SAMD11: variants seen among roughly 807,000 people sequenced by gnomAD.
The protein encoded by SAMD11 is sterile alpha motif domain containing 11.
Under a neutral mutation model 64.4 loss-of-function variants are expected in SAMD11, and 77 were observed. That is an observed-to-expected ratio of 1.20 (90% CI 0.99 to 1.44). The LOEUF (loss-of-function observed/expected upper bound fraction) is 1.44, where lower values mean the gene tolerates loss of function less well. Among genes scored for constraint, SAMD11 ranks in the 40% most tolerant of loss-of-function variants. The pLI, the probability that SAMD11 is intolerant of heterozygous loss-of-function variation, is 0.00. For missense variants in SAMD11, 1,402 were observed against 943.3 expected (o/e 1.49, Z -6.37); for synonymous variants, 658 against 421.9 (o/e 1.56, Z -6.86).
In SAMD11 at chr1:944,265, A is replaced by T; in HGVS notation, c.*112A>T. On this transcript the variant is annotated 3_prime_UTR_variant, in exon 14 of 14. Transcript: ENST00000616016. The stretch of plus-strand genomic sequence containing the variant: ...TTCGGTTTCGGATGCAAAACAAAAA[A>T]TTTTAAAAGAAAATGTGACTTCAAA... The T allele has an allele frequency of 6.9e-7, 1 of 1,452,180 alleles. No homozygotes were observed. Among genetic ancestry groups the T allele is most frequent in the Non-Finnish European group, 9.1e-7 (1 of 1,104,454 alleles). The allele number at this position is 1,452,180 out of a possible 1,614,324, so 90.0% of individuals were successfully genotyped here.
chr1:929,494 T>C (rs1023990231), intron 2 of SAMD11, among the ~76,000 whole-genome samples: 1 of 152,206 alleles, frequency 6.6e-6, no homozygotes, highest in Non-Finnish European at 1.5e-5. Flanking sequence ...CAGCTGCCCC[T>C]GAGCCGGGCT....
Position 941,229 on chromosome 1 carries a change from A to C in SAMD11, c.1281A>C (p.Ala427=). ...GLEAHLPSST[A]GQRRKQGLAQ... ...AAGCCCACCTGCCCTCCTCCACGGC[A>C]GGTCAGCGTCGGAAGCAGGGCCTGG... Residue 427 remains alanine (A), a synonymous_variant, in exon 8 of 14, where the codon GCA becomes GCC. Coordinates refer to ENST00000616016, the MANE Select transcript of SAMD11 (RefSeq NM_001385641.1). The C allele has an allele frequency of 6.2e-7, 1 of 1,601,830 alleles. No individual in the cohort carries two copies. Among genetic ancestry groups the C allele is most frequent in the Non-Finnish European group, 8.5e-7 (1 of 1,175,004 alleles).
Position 944,224 on chromosome 1 carries a change from C to T in SAMD11, c.*71C>T, listed in dbSNP as rs1642010983. The T allele has an allele frequency of 3.4e-6, 5 of 1,465,882 alleles. No homozygotes were observed. The highest frequency in any genetic ancestry group is 5.1e-5 in the Admixed American group (2 of 39,312). The allele number at this position is 1,465,882 out of a possible 1,614,324, so 90.8% of individuals were successfully genotyped here. A position where few individuals can be genotyped will look rare whatever the true frequency, so the allele number is the denominator to read the frequency against. On this transcript the variant is annotated 3_prime_UTR_variant, in exon 14 of 14. Transcript: ENST00000616016. ...CCACTCAACACAATGGCCCTGCCTC[C>T]CACCGCTTTATTTCTTTCGGTTTCG...
intron 4 of SAMD11, among the ~76,000 whole-genome samples, chr1:932,965 G>A (rs1641238602): frequency 6.6e-6 from 1 of 152,198 alleles, no homozygotes; most frequent in African/African-American, 2.4e-5. Context: ...GGCGGTGGCG[G>A]GAGGCCCATG....
rs1366030656 is a variant in SAMD11 at position 939,166 on chromosome 1, G to C, written c.1057+37G>C. Reference sequence around the variant, plus strand: ...GCTGGGACGAGAGACAGGTCACCAGGGGAGGGGGCAGTCCCTGAGGGTCCC... The same window carrying C: ...GCTGGGACGAGAGACAGGTCACCAGCGGAGGGGGCAGTCCCTGAGGGTCCC... On this transcript the variant is annotated intron_variant, in intron 6 of 13. Coordinates refer to ENST00000616016, the MANE Select transcript of SAMD11 (RefSeq NM_001385641.1). 2.6e-6 allele frequency: 4 copies of C among 1,558,058 alleles called. No homozygotes were observed. The East Asian group carries it at 7.2e-5, about 28-fold the overall frequency.
chr1:936,843 G>A (rs559597868), intron 5 of SAMD11, among the ~76,000 whole-genome samples: 1 of 151,870 alleles, frequency 6.6e-6, no homozygotes, highest in Non-Finnish European at 1.5e-5. Flanking sequence ...TTGCCCCATC[G>A]ATCCAGCAGA....
Position 941,300 on chromosome 1 carries a change from C to G in SAMD11, c.1352C>G (p.Ser451Trp). 2.5e-6 allele frequency: 4 copies of G among 1,584,598 alleles called. No homozygotes were observed. Among genetic ancestry groups the G allele is most frequent in the Non-Finnish European group, 3.4e-6 (4 of 1,166,060 alleles). Residue 451 changes from serine (S) to tryptophan (W), a missense_variant, in exon 8 of 14, where the codon TCG becomes TGG. By Grantham distance (177) the Ser-to-Trp change is radical. Coordinates refer to ENST00000616016, the MANE Select transcript of SAMD11 (RefSeq NM_001385641.1). ...GCCCCAGCTGCCGCCCCGTCCTTCT[C>G]GGAGAGGTACTGGGGTGGCTGCCGT... Reference protein sequence around the residue: ...GAAPAAAPSFSERELPQPPPL... With the variant: ...GAAPAAAPSFWERELPQPPPL...
chr1:933,985 A>G (rs1292502823), intron 4 of SAMD11, among the ~76,000 whole-genome samples: 3 of 148,042 alleles, frequency 2.0e-5, no homozygotes, highest in Admixed American at 6.7e-5. Flanking sequence ...TGGGCAGGGG[A>G]GGCGGCTGCG....
At chr1:943,461 C>A in intron 12 of SAMD11, 84 bp downstream of exon 12, 1 of 1,210,640 alleles carries the variant, frequency 8.3e-7, no homozygotes, top group Non-Finnish European at 1.2e-6. Context: ...GGGGTAGGGC[C>A]ATTCCCCAAC....
rs550208837 is a variant in SAMD11 at position 943,263 on chromosome 1, G to A, written c.2064G>A (p.Gly688=). 1.6e-5 allele frequency: 26 copies of A among 1,612,870 alleles called. No individual in the cohort carries two copies. The South Asian group carries it at 2.4e-4, about 15-fold the overall frequency. Residue 688 remains glycine, a synonymous_variant, in exon 12 of 14, where the codon GGG becomes GGA. Transcript: ENST00000616016. The part of the protein sequence containing the change: ...VSPYFHTGAV[G]GLSMDGEEAP... ...CGCCCCACAACTCAGGCGCGGTAGG[G>A]GGACTCTCCATGGATGGGGAGGAGG... is the stretch of plus-strand genomic sequence containing the variant.
intron 10 of SAMD11, 24 bp downstream of exon 10, chr1:942,512 G>A (rs779804514): frequency 1.9e-5 from 27 of 1,445,696 alleles, no homozygotes; most frequent in Middle Eastern, 4.9e-4. Context: ...GGCGGGCGGG[G>A]CCGCGCGGCC....
chr1:942,509 G>GGGGCCGCGCGGCCC, intron 10 of SAMD11, 21 bp downstream of exon 10: 5 of 1,447,024 alleles, frequency 3.5e-6, no homozygotes, highest in Non-Finnish European at 4.5e-6. Context: ...GGAGGCGGGC[G>GGGGCCGCGCGGCCC]GGGCCGCGCG....
At chr1:943,398 C>G in intron 12 of SAMD11, 21 bp downstream of exon 12, 3 of 1,514,392 alleles carry the variant, frequency 2.0e-6, no homozygotes, top group South Asian at 2.6e-5. Context: ...GCCCCAGTTC[C>G]TGGGGCGGGG....
intron 1 of SAMD11, 33 bp from the exon 2 acceptor site, chr1:925,889 C>T (rs552703801): frequency 2.7e-6 from 4 of 1,508,146 alleles, no homozygotes; most frequent in Non-Finnish European, 3.7e-6. Context: ...GCGTGCCGCT[C>T]CCTCACAGGG....
intron 5 of SAMD11, among the ~76,000 whole-genome samples, chr1:938,008 CA>C (rs562088734): frequency 9.5e-4 from 144 of 152,300 alleles, no homozygotes; most frequent in African/African-American, 3.4e-3. Flanking sequence ...TCTTGGGTCA[CA>C]GGGGAGTGGC....
rs375145059 is a variant in SAMD11 at position 940,091 on chromosome 1, G to C, written c.1195+679G>C. Among the ~76,000 whole-genome samples, 15 of 152,324 alleles carry C rather than the reference G, an allele frequency of 9.8e-5. No individual in the cohort carries two copies. In the East Asian group the frequency reaches 2.3e-3, roughly 24 times the overall value. ...GGGCTAGAGGTGGGTGGGGGCGCCG[G>C]GAAAGGAGGCAGGATTCCTCACACC... On this transcript the variant is annotated intron_variant, in intron 7 of 13. Coordinates refer to ENST00000616016, the MANE Select transcript of SAMD11 (RefSeq NM_001385641.1).
intron 3 of SAMD11, 83 bp downstream of exon 3, chr1:930,419 GTCCACACCGGCCT>G: frequency 7.1e-7 from 1 of 1,399,238 alleles, no homozygotes; most frequent in South Asian, 1.4e-5. Context: ...AGATGAGAGT[GTCCACACCGGCCT>G]CCCACACCTT....
chr1:926,852 C>G (rs1640915718), intron 2 of SAMD11, among the ~76,000 whole-genome samples: 1 of 152,160 alleles, frequency 6.6e-6, no homozygotes, highest in Admixed American at 6.5e-5. Flanking sequence ...TCCTGACACA[C>G]TCAGGAACCC....
rs1288151772 is a variant in SAMD11 at position 924,195 on chromosome 1, C to A, written c.-237C>A. Reference sequence around the variant, plus strand: ...GAACTGCGGCGCTCGGCGAGTCGATCCGGGATCGATAGCAGCTCCATGTCT... The same window carrying A: ...GAACTGCGGCGCTCGGCGAGTCGATACGGGATCGATAGCAGCTCCATGTCT... On this transcript the variant is annotated 5_prime_UTR_variant, in exon 1 of 14. Transcript: ENST00000616016. 6.7e-6 allele frequency: 1 copy of A among 149,684 alleles called. No homozygotes were observed. The highest frequency in any genetic ancestry group is 2.4e-5 in the African/African-American group (1 of 41,156). 9.3% of individuals were successfully genotyped at this position (149,684 alleles called of 1,614,324 possible).
Sources: gnomAD v4.1 joint callset for allele counts (sites outside exome capture counted in the v4.1 genomes callset) on GRCh38, gnomAD v4.1.1 for gene constraint, MANE v1.5 for transcripts, NCBI Gene and HGNC (gene_info 2026-07-23, HGNC 2026-07-21) for gene names.